The following ARHGAP26 variants were observed in gnomAD, a reference collection of about 807,000 sequenced individuals.
The protein encoded by ARHGAP26 is rho GTPase-activating protein 26.
In ARHGAP26, 38 loss-of-function variants were observed where a neutral mutation model predicts 104.8. The observed-to-expected ratio is 0.36, with a 90% CI of 0.28 to 0.48. The LOEUF is 0.48. ARHGAP26 is among the 20% of genes least tolerant of loss of function. The pLI, the probability that ARHGAP26 is intolerant of heterozygous loss-of-function variation, is 0.99. For missense variants in ARHGAP26, 704 were observed against 947.9 expected, an observed-to-expected ratio of 0.74 and a Z score of 3.38; for synonymous variants, 341 against 340.0, an observed-to-expected ratio of 1.00 and a Z score of -0.03.
intron 11 of ARHGAP26, among the ~76,000 whole-genome samples, chr5:142,964,794 G>A (rs955381570): frequency 2.0e-5 from 3 of 152,134 alleles, no homozygotes; most frequent in African/African-American, 7.2e-5. Flanking sequence ...TCACAGGGTC[G>A]GTGGGCTTCT....
At chr5:142,866,357 T>C (rs973316056) in intron 1 of ARHGAP26, among the ~76,000 whole-genome samples, 3 of 152,238 alleles carry the variant, frequency 2.0e-5, no homozygotes, top group Non-Finnish European at 4.4e-5. Context: ...ATTCCCTGCA[T>C]GATCTTGGGC....
chr5:142,874,763 A>C lies in ARHGAP26; in HGVS notation c.251-347A>C, dbSNP rs562130928. The C allele has an allele frequency of 3.8e-3, 727 of 189,198 alleles. 3 individuals carry two copies. The highest frequency in any genetic ancestry group is 6.1e-3 in the Non-Finnish European group (563 of 92,346). The allele number at this position is 189,198 out of a possible 1,614,324, so 11.7% of individuals were successfully genotyped here. ...CCATGACAAAGGTTGAGGAGGTCGA[A>C]TCCAGACAGGAAATCCTTCAACTCC... is the stretch of plus-strand genomic sequence containing the variant. On this transcript the variant is annotated intron_variant, in intron 2 of 22. Coordinates refer to ENST00000645722, the MANE Select transcript of ARHGAP26 (RefSeq NM_001135608.3).
At chr5:143,214,148 A>G in intron 22 of ARHGAP26, 60 bp downstream of exon 22, 1 of 880,194 alleles carries the variant, frequency 1.1e-6, no homozygotes, top group Non-Finnish European at 1.8e-6. Flanking sequence ...GGGAGCACAT[A>G]AATAACTGGC....
chr5:142,787,279 A>T (rs912601883), intron 1 of ARHGAP26, among the ~76,000 whole-genome samples: 9 of 152,172 alleles, frequency 5.9e-5, no homozygotes, highest in Non-Finnish European at 1.2e-4. Flanking sequence ...AATGGTCTTT[A>T]ACAAAGTAGG....
intron 20 of ARHGAP26, among the ~76,000 whole-genome samples, chr5:143,162,440 A>G (rs1801380821): frequency 6.6e-6 from 1 of 152,232 alleles, no homozygotes; most frequent in Non-Finnish European, 1.5e-5. Context: ...ACTGGCAAGA[A>G]ATCAGAAATC....
At position 142,796,933 on chromosome 5, in the gene ARHGAP26, C is replaced by T. The variant is rs560488560; in HGVS notation, c.154+26018C>T. ...TAGGGAGGGATTGCCAATGGGGTTC[C>T]GTTTCCACTGGGAAGCTCACTAGCT... On this transcript the variant is annotated intron_variant, in intron 1 of 22. Transcript: ENST00000645722. Among the ~76,000 whole-genome samples, 233 of 152,298 alleles carry T rather than the reference C, an allele frequency of 1.5e-3. 2 individuals carry two copies. Among genetic ancestry groups the T allele is most frequent in the Non-Finnish European group, 3.0e-3 (204 of 68,030 alleles).
chr5:142,799,437 CCT>C, intron 1 of ARHGAP26, among the ~76,000 whole-genome samples: 1 of 152,184 alleles, frequency 6.6e-6, no homozygotes, highest in East Asian at 1.9e-4. Context: ...AGAAGTTTAC[CCT>C]CCATCTTTCA....
chr5:143,066,670 A>G (rs1052306099), intron 17 of ARHGAP26, among the ~76,000 whole-genome samples: 29 of 152,246 alleles, frequency 1.9e-4, no homozygotes, highest in Non-Finnish European at 2.9e-5. Context: ...ATTGGCAAGC[A>G]AAACCCTGAG....
intron 11 of ARHGAP26, among the ~76,000 whole-genome samples, chr5:142,932,359 A>G (rs1562104241): frequency 6.6e-6 from 1 of 152,220 alleles, no homozygotes; most frequent in Non-Finnish European, 1.5e-5. Flanking sequence ...GCATAGAATT[A>G]CACCAGAACT....
At chr5:143,009,309 C>T (rs168668) in intron 11 of ARHGAP26, among the ~76,000 whole-genome samples, 2,116 of 152,282 alleles carry the variant, frequency 0.014, 22 homozygotes, top group Admixed American at 0.03. Flanking sequence ...GCATCATCAT[C>T]GTCGTCATTG....
At chr5:143,133,371 T>C (rs939810259) in intron 18 of ARHGAP26, among the ~76,000 whole-genome samples, 1 of 152,158 alleles carries the variant, frequency 6.6e-6, no homozygotes, top group African/African-American at 2.4e-5. Flanking sequence ...GTGTGTTACT[T>C]TTATCAAGAT....
intron 1 of ARHGAP26, among the ~76,000 whole-genome samples, chr5:142,827,827 A>G (rs981648828): frequency 2.6e-4 from 40 of 152,384 alleles, no homozygotes; most frequent in African/African-American, 9.1e-4. Flanking sequence ...TGTTTCAAAC[A>G]GTGTCTGGCA....
intron 21 of ARHGAP26, among the ~76,000 whole-genome samples, chr5:143,211,711 C>G (rs567607793): frequency 7.2e-5 from 11 of 152,016 alleles, no homozygotes; most frequent in African/African-American, 2.7e-4. Context: ...GGACTCCACA[C>G]GTGTCCCATC....
chr5:142,982,319 T>C (rs1229428947), intron 11 of ARHGAP26, among the ~76,000 whole-genome samples: 1 of 152,240 alleles, frequency 6.6e-6, no homozygotes, highest in Non-Finnish European at 1.5e-5. Context: ...GCTCATTTTT[T>C]AATGAGAACA....
chr5:142,997,476 A>G (rs949198280), intron 11 of ARHGAP26, among the ~76,000 whole-genome samples: 4 of 151,928 alleles, frequency 2.6e-5, no homozygotes, highest in African/African-American at 7.3e-5. Context: ...TGGCTCCATC[A>G]TAGCTCATTG....
chr5:142,963,025 C>A (rs1396228770), intron 11 of ARHGAP26, among the ~76,000 whole-genome samples: 1 of 151,808 alleles, frequency 6.6e-6, no homozygotes, highest in Non-Finnish European at 1.5e-5. Flanking sequence ...TCATTTAGCT[C>A]CCACTTGTAA....
intron 1 of ARHGAP26, among the ~76,000 whole-genome samples, chr5:142,809,167 G>A (rs894609996): frequency 1.5e-4 from 23 of 152,222 alleles, no homozygotes; most frequent in African/African-American, 4.1e-4. Context: ...TAAAATGTGC[G>A]TTTTCAGTGT....
At position 142,822,319 on chromosome 5, in the gene ARHGAP26, C is replaced by T. The variant is rs1403561909; in HGVS notation, c.155-51081C>T. Among the ~76,000 whole-genome samples, 4 of 152,152 alleles carry T rather than the reference C, an allele frequency of 2.6e-5. No homozygotes were observed. In the East Asian group the frequency reaches 7.7e-4, roughly 29 times the overall value. On this transcript the variant is annotated intron_variant, in intron 1 of 22. Coordinates refer to ENST00000645722, the MANE Select transcript of ARHGAP26 (RefSeq NM_001135608.3). ...CTTTAGTTTTGTGATTATATGTTTT[C>T]TGGTGACATACATGCTGGGCTCTGT...
chr5:143,005,382 A>G (rs547011886), intron 11 of ARHGAP26, among the ~76,000 whole-genome samples: 2 of 152,362 alleles, frequency 1.3e-5, no homozygotes, highest in Admixed American at 1.3e-4. Flanking sequence ...CATAGTTGTA[A>G]TAAAAAATGA....
Sources: gnomAD v4.1 joint callset for allele counts (sites outside exome capture counted in the v4.1 genomes callset) on GRCh38, gnomAD v4.1.1 for gene constraint, MANE v1.5 for transcripts, NCBI Gene and HGNC (gene_info 2026-07-23, HGNC 2026-07-21) for gene names.